HEMK2: variants seen among roughly 807,000 people sequenced by gnomAD.
The protein encoded by HEMK2 is HemK methyltransferase 2, ETF1 glutamine and histone H4 lysine.
the HEMK2 span, among the ~76,000 whole-genome samples, chr21:28,596,610 T>A: frequency 1.3e-5 from 2 of 152,224 alleles, no homozygotes; most frequent in Non-Finnish European, 2.9e-5. Flanking sequence ...CATAATTTGC[T>A]GCAACTCAAG....
At chr21:28,751,307 A>G in the HEMK2 span, among the ~76,000 whole-genome samples, 12 of 151,978 alleles carry the variant, frequency 7.9e-5, no homozygotes, top group Admixed American at 6.5e-5. Context: ...ACTACCTAAT[A>G]CTTCTAAGGG....
chr21:28,612,656 G>A, the HEMK2 span, among the ~76,000 whole-genome samples: 1 of 152,132 alleles, frequency 6.6e-6, no homozygotes, highest in Non-Finnish European at 1.5e-5. Flanking sequence ...ACTGTTTGCT[G>A]ATGATGACTG....
chr21:28,661,405 TATC>T, the HEMK2 span, among the ~76,000 whole-genome samples: 150 of 152,222 alleles, frequency 9.9e-4, no homozygotes, highest in African/African-American at 3.4e-3. Flanking sequence ...ACTATAATTT[TATC>T]ATATCATTAA....
chr21:28,592,153 T>C, the HEMK2 span, among the ~76,000 whole-genome samples: 1 of 152,204 alleles, frequency 6.6e-6, no homozygotes, highest in African/African-American at 2.4e-5. Flanking sequence ...CTGAACTAAT[T>C]TACACTCCCA....
At chr21:28,587,035 T>C in the HEMK2 span, among the ~76,000 whole-genome samples, 51 of 152,272 alleles carry the variant, frequency 3.3e-4, no homozygotes, top group Middle Eastern at 6.8e-3. Context: ...TATTTATGAT[T>C]ACAAAAAACT....
At chr21:28,882,351 T>G in the HEMK2 span, 3 of 850,862 alleles carry the variant, frequency 3.5e-6, no homozygotes, top group South Asian at 1.6e-5. Flanking sequence ...ACAGAACAGA[T>G]TTAGAAAAAA....
the HEMK2 span, among the ~76,000 whole-genome samples, chr21:28,603,363 T>C: frequency 6.6e-6 from 1 of 152,176 alleles, no homozygotes; most frequent in Admixed American, 6.5e-5. Context: ...TATGGTGACA[T>C]TGTGAATTCA....
At chr21:28,600,778 GC>G in the HEMK2 span, among the ~76,000 whole-genome samples, 1 of 152,150 alleles carries the variant, frequency 6.6e-6, no homozygotes, top group African/African-American at 2.4e-5. Context: ...ATGTTTTGCT[GC>G]TTAGAAATTT....
chr21:28,739,098 AG>A, the HEMK2 span, among the ~76,000 whole-genome samples: 1 of 152,228 alleles, frequency 6.6e-6, no homozygotes, highest in Non-Finnish European at 1.5e-5. Flanking sequence ...AACCTAAATT[AG>A]GTATTCACAG....
the HEMK2 span, among the ~76,000 whole-genome samples, chr21:28,607,886 T>C: frequency 6.6e-6 from 1 of 152,214 alleles, no homozygotes; most frequent in Non-Finnish European, 1.5e-5. Flanking sequence ...ATATAGAAGA[T>C]GCAAGAGGGG....
the HEMK2 span, among the ~76,000 whole-genome samples, chr21:28,836,645 T>C: frequency 6.6e-5 from 10 of 152,050 alleles, no homozygotes; most frequent in Middle Eastern, 3.4e-3. Flanking sequence ...ATGAATGCAA[T>C]GGTACCTCAC....
the HEMK2 span, among the ~76,000 whole-genome samples, chr21:28,797,685 T>C: frequency 6.6e-6 from 1 of 151,288 alleles, no homozygotes; most frequent in Non-Finnish European, 1.5e-5. Context: ...GGGAAAAAAA[T>C]AACTTGGGTG....
the HEMK2 span, among the ~76,000 whole-genome samples, chr21:28,731,925 G>A: frequency 1.3e-5 from 2 of 152,206 alleles, no homozygotes; most frequent in East Asian, 3.8e-4. Context: ...GCCAGTAGCT[G>A]GTAGCCCACA....
the HEMK2 span, among the ~76,000 whole-genome samples, chr21:28,686,838 G>A: frequency 7.2e-5 from 11 of 152,228 alleles, no homozygotes; most frequent in Middle Eastern, 6.8e-3. Flanking sequence ...TCAGGCCTTC[G>A]TGCATTTTTA....
chr21:28,849,675 AAG>A, the HEMK2 span, among the ~76,000 whole-genome samples: 1 of 152,248 alleles, frequency 6.6e-6, no homozygotes, highest in South Asian at 2.1e-4. Flanking sequence ...TTAAGAAAAA[AAG>A]AAACGGATCT....
At chr21:28,873,680 G>A in the HEMK2 span, 8 of 152,144 alleles carry the variant, frequency 5.3e-5, no homozygotes, top group Middle Eastern at 3.2e-3. Context: ...ACCACCATTC[G>A]GGGTAGTCCA....
chr21:28,858,681 T>C, the HEMK2 span, among the ~76,000 whole-genome samples: 1 of 152,116 alleles, frequency 6.6e-6, no homozygotes, highest in Non-Finnish European at 1.5e-5. Flanking sequence ...CCTTGTTGCC[T>C]TGCCTCTTTA....
the HEMK2 span, among the ~76,000 whole-genome samples, chr21:28,664,894 A>G: frequency 2.0e-5 from 3 of 152,192 alleles, no homozygotes; most frequent in Non-Finnish European, 4.4e-5. Context: ...AATATTTATT[A>G]TAAGTTAAAA....
chr21:28,715,304 A>T, the HEMK2 span, among the ~76,000 whole-genome samples: 10 of 147,540 alleles, frequency 6.8e-5, no homozygotes, highest in South Asian at 2.2e-4. Flanking sequence ...AGCATCTGTT[A>T]TTTTTTTTTT....
Sources: allele counts gnomAD v4.1 joint callset (sites outside exome capture counted in the v4.1 genomes callset), GRCh38; gene constraint gnomAD v4.1.1; transcripts MANE v1.5; gene names NCBI Gene and HGNC (gene_info 2026-07-23, HGNC 2026-07-21).